The following WIPF3 variants were observed in gnomAD, a reference collection of about 807,000 sequenced individuals.
WIPF3 encodes the protein WAS/WASL interacting protein family member 3.
A neutral mutation model predicts 38.9 loss-of-function variants in WIPF3; 33 were observed. The ratio of observed to expected loss-of-function variants is 0.85; its 90% CI spans 0.64 to 1.14. WIPF3 has a LOEUF of 1.14. WIPF3 is among the 50% of genes most tolerant of loss of function. The probability of loss-of-function intolerance (pLI) is 0.00; values close to 1 mark genes in which losing one functional copy is unlikely to be tolerated. For synonymous variants in WIPF3, 324 were observed against 269.3 expected (o/e 1.20, Z -1.99); for missense variants, 711 against 652.5 (o/e 1.09, Z -0.98).
At chr7:29,888,280 GGA>G (rs995654382) in intron 6 of WIPF3, 63 bp downstream of exon 6, 39 of 1,538,200 alleles carry the variant, frequency 2.5e-5, no homozygotes, top group Non-Finnish European at 3.4e-5. Flanking sequence ...CCCAACCTCT[GGA>G]GAGAGAGTTT....
At chr7:29,860,317 G>A (rs1785253071) in intron 2 of WIPF3, among the ~76,000 whole-genome samples, 1 of 152,074 alleles carries the variant, frequency 6.6e-6, no homozygotes, top group Non-Finnish European at 1.5e-5. Flanking sequence ...GCTGGAGGTG[G>A]GGCCTAATGG....
chr7:29,846,973 C>T (rs1051470547), intron 2 of WIPF3, among the ~76,000 whole-genome samples: 2 of 152,194 alleles, frequency 1.3e-5, no homozygotes, highest in Non-Finnish European at 2.9e-5. Context: ...GTGAATGGGA[C>T]TAATAATTGC....
At position 29,834,715 on chromosome 7, in the gene WIPF3, A is replaced by T; in HGVS notation, c.-10A>T. 2 of 1,500,000 alleles carry T rather than the reference A, an allele frequency of 1.3e-6. No homozygotes were observed. Among genetic ancestry groups the T allele is most frequent in the Non-Finnish European group, 1.8e-6 (2 of 1,123,962 alleles). The allele number at this position is 1,500,000 out of a possible 1,614,324, so 92.9% of individuals were successfully genotyped here. On this transcript the variant is annotated 5_prime_UTR_variant, in exon 2 of 9. Transcript: ENST00000242140. The stretch of plus-strand genomic sequence containing the variant: ...CCATTCATAAGCAGGAGACATCAAC[A>T]CCGTGACACATGCCAGTGCCACCGC...
chr7:29,905,539 C>G (rs182534047), intron 8 of WIPF3: 2 of 152,232 alleles, frequency 1.3e-5, no homozygotes, highest in African/African-American at 4.8e-5. Flanking sequence ...ATAGTAACTA[C>G]TCATCCTCCA....
intron 1 of WIPF3, among the ~76,000 whole-genome samples, chr7:29,813,302 C>T (rs1487825059): frequency 6.6e-6 from 1 of 152,212 alleles, no homozygotes; most frequent in Non-Finnish European, 1.5e-5. Flanking sequence ...CCCCACGGTG[C>T]TGTTTTTAGA....
At chr7:29,862,178 C>A (rs930794197) in intron 2 of WIPF3, among the ~76,000 whole-genome samples, 2 of 152,064 alleles carry the variant, frequency 1.3e-5, no homozygotes, top group African/African-American at 4.8e-5. Flanking sequence ...CATTTAGATT[C>A]CTTGCTGGCA....
intron 1 of WIPF3, among the ~76,000 whole-genome samples, chr7:29,809,357 A>G (rs922412169): frequency 6.6e-6 from 1 of 152,226 alleles, no homozygotes; most frequent in African/African-American, 2.4e-5. Context: ...GCCCAGTGCC[A>G]TCGAGCATGG....
At position 29,884,415 on chromosome 7, in the gene WIPF3, T is replaced by C; in HGVS notation, c.921T>C (p.Ser307=). 1 of 1,240,158 alleles carries C rather than the reference T, an allele frequency of 8.1e-7. No individual in the cohort carries two copies. The highest frequency in any genetic ancestry group is 1.0e-6 in the Non-Finnish European group (1 of 955,490). The allele number at this position is 1,240,158 out of a possible 1,614,324, so 76.8% of individuals were successfully genotyped here. A position where few individuals can be genotyped will look rare whatever the true frequency, so the allele number is the denominator to read the frequency against. The change falls in exon 5 of 9, where the codon TCT becomes TCC. Residue 307 remains serine, a synonymous_variant. Transcript: ENST00000242140. ...ATGCTTCTTGCTCCCCGAGGGCTTC[T>C]TTGCCCGCGCCCCCTTTGCCAGGAG... is the stretch of plus-strand genomic sequence containing the variant. ...PPYASCSPRA[S]LPAPPLPGVN... is the part of the protein sequence containing the mutation.
chr7:29,885,895 A>G (rs1315085151), intron 5 of WIPF3, among the ~76,000 whole-genome samples: 1 of 152,162 alleles, frequency 6.6e-6, no homozygotes, highest in Non-Finnish European at 1.5e-5. Flanking sequence ...AGGTTTCTTC[A>G]ATTCTTTTTT....
At position 29,879,085 on chromosome 7, in the gene WIPF3, T is replaced by G; in HGVS notation, c.300T>G (p.Asp100Glu). 1 of 1,612,122 alleles carries G rather than the reference T, an allele frequency of 6.2e-7. No individual in the cohort carries two copies. The change falls in exon 4 of 9, where the codon GAT becomes GAG. Residue 100 changes from aspartate (D) to glutamate (E), a missense_variant. By Grantham distance (45) the Asp-to-Glu change is conservative. Coordinates refer to ENST00000242140, the MANE Select transcript of WIPF3 (RefSeq NM_001080529.3). ...CGAGCACACCTCCCACCCTGGGAGA[T>G]CTGTTTGCTGGTGGCTTTCCTGTAT... The part of the protein sequence containing the change: ...RGASTPPTLG[D>E]LFAGGFPVLR...
chr7:29,826,237 C>G (rs1231711510), intron 1 of WIPF3, among the ~76,000 whole-genome samples: 5 of 152,284 alleles, frequency 3.3e-5, no homozygotes, highest in Non-Finnish European at 7.4e-5. Flanking sequence ...TTCAGTAGGT[C>G]TGTGTGGAGA....
intron 1 of WIPF3, among the ~76,000 whole-genome samples, chr7:29,832,118 AG>A (rs1784732116): frequency 6.6e-6 from 1 of 152,240 alleles, no homozygotes; most frequent in Non-Finnish European, 1.5e-5. Flanking sequence ...CTTAGTTAAA[AG>A]ATGAGATCCT....
At chr7:29,888,464 A>G (rs1785930939) in intron 6 of WIPF3, among the ~76,000 whole-genome samples, 1 of 151,732 alleles carries the variant, frequency 6.6e-6, no homozygotes, top group Non-Finnish European at 1.5e-5. Flanking sequence ...AGGGAAGAAA[A>G]GCAGCATTTA....
Position 29,884,361 on chromosome 7 carries a change from T to TCCCCC in WIPF3, c.870_871insCCCCC (p.Ala291ProfsTer85). 3 of 1,317,916 alleles carry TCCCCC rather than the reference T, an allele frequency of 2.3e-6. No homozygotes were observed. The highest frequency in any genetic ancestry group is 2.9e-6 in the Non-Finnish European group (3 of 1,017,954). 81.6% of individuals were successfully genotyped at this position (1,317,916 alleles called of 1,614,324 possible). A position where few individuals can be genotyped will look rare whatever the true frequency, so the allele number is the denominator to read the frequency against. ...GCCCTGCGCAAGATGCGCAGGAGCCTCCCGCCCCGCCGCCCCCGCTCCCCC... is the reference window on the plus strand; with the variant it reads ...GCCCTGCGCAAGATGCGCAGGAGCCTCCCCCCCCGCCCCGCCGCCCCCGCTCCCCC... On this transcript the variant is annotated frameshift_variant, in exon 5 of 9. Transcript: ENST00000242140. LOFTEE classifies it high-confidence loss of function.
Position 29,823,470 on chromosome 7 carries a change from T to A in WIPF3, c.-57-11198T>A, listed in dbSNP as rs1343702637. ...TCTAGTTTGCAATATTTTTCTTTAA[T>A]AATCATTAAGATGATATCTCATTTC... On this transcript the variant is annotated intron_variant, in intron 1 of 8. Coordinates refer to ENST00000242140, the MANE Select transcript of WIPF3 (RefSeq NM_001080529.3). This position sits in a 1 kb window ranked among gnomAD's most constrained non-coding sequence, Gnocchi z 4.0. Among the ~76,000 whole-genome samples the A allele has an allele frequency of 6.6e-6, 1 of 152,260 alleles. No individual in the cohort carries two copies. The highest frequency in any genetic ancestry group is 2.4e-5 in the African/African-American group (1 of 41,474).
chr7:29,833,407 G>A (rs1157967217), intron 1 of WIPF3, among the ~76,000 whole-genome samples: 1 of 152,240 alleles, frequency 6.6e-6, no homozygotes, highest in Admixed American at 6.5e-5. Context: ...GAGCAAAAGA[G>A]TTAATGTCTC....
At position 29,834,766 on chromosome 7, in the gene WIPF3, T is replaced by TC; in HGVS notation, c.47dup (p.Pro17AlafsTer36). 3 of 817,002 alleles carry TC rather than the reference T, an allele frequency of 3.7e-6. No homozygotes were observed. Among genetic ancestry groups the TC allele is most frequent in the Non-Finnish European group, 4.5e-6 (3 of 663,094 alleles). 50.6% of individuals were successfully genotyped at this position (817,002 alleles called of 1,614,324 possible). On this transcript the variant is annotated frameshift_variant, in exon 2 of 9. Coordinates refer to ENST00000242140, the MANE Select transcript of WIPF3 (RefSeq NM_001080529.3). LOFTEE classifies it high-confidence loss of function. ...CACCCCCACCTCCTCTGCCTCCACC[T>TC]CCCCCGCCTCTGGGGGCTCCTCCCC...
At chr7:29,851,297 G>A (rs1009324404) in intron 2 of WIPF3, among the ~76,000 whole-genome samples, 2 of 152,104 alleles carry the variant, frequency 1.3e-5, no homozygotes, top group African/African-American at 2.4e-5. Flanking sequence ...CCTGGTGTCT[G>A]CGATGTTCTC....
intron 2 of WIPF3, among the ~76,000 whole-genome samples, chr7:29,842,736 T>C (rs936507860): frequency 6.6e-6 from 1 of 152,042 alleles, no homozygotes; most frequent in Non-Finnish European, 1.5e-5. Flanking sequence ...TTTTTTGGAA[T>C]TTTGTGTTTG....
Sources: allele counts gnomAD v4.1 joint callset (sites outside exome capture counted in the v4.1 genomes callset), GRCh38; gene constraint gnomAD v4.1.1; non-coding constraint Gnocchi (gnomAD v3.1); transcripts MANE v1.5; gene names NCBI Gene and HGNC (gene_info 2026-07-23, HGNC 2026-07-21).